Variants in ROCK1 observed in about 807,000 individuals in gnomAD.
ROCK1 encodes Rho associated coiled-coil containing protein kinase 1.
A neutral mutation model predicts 196.8 loss-of-function variants in ROCK1; 36 were observed. The ratio of observed to expected loss-of-function variants is 0.18; its 90% CI spans 0.14 to 0.24. The LOEUF is 0.24. ROCK1 is among the 10% of genes least tolerant of loss of function. The probability of loss-of-function intolerance (pLI) is 1.00; values close to 1 mark genes in which losing one functional copy is unlikely to be tolerated. For synonymous variants in ROCK1, 443 were observed against 515.9 expected (o/e 0.86, Z 1.91); for missense variants, 920 against 1,562.0 (o/e 0.59, Z 6.93).
rs758817349 is a variant in ROCK1, at chr18:20,949,873, A to G, written c.*1511T>C. On this transcript the variant is annotated 3_prime_UTR_variant, in exon 33 of 33. Transcript: ENST00000399799. ...AAACACATTGCAGTAAAAATTAAAG[A>G]TACCCATCCATAAATTACTTTTATT... is the stretch of plus-strand genomic sequence containing the variant. 2 of 152,688 alleles carry G rather than the reference A, an allele frequency of 1.3e-5. No homozygotes were observed. The highest frequency in any genetic ancestry group is 2.9e-5 in the Non-Finnish European group (2 of 68,046). 9.5% of individuals were successfully genotyped at this position (152,688 alleles called of 1,614,324 possible).
In ROCK1 at chr18:21,034,849, T is replaced by A. The variant is rs138192559; in HGVS notation, c.1051+4623A>T. 7.2e-4 allele frequency among the ~76,000 whole-genome samples: 110 copies of A among 152,262 alleles called. No individual in the cohort carries two copies. The Middle Eastern group carries it at 0.01, about 14-fold the overall frequency. On this transcript the variant is annotated intron_variant, in intron 9 of 32. Coordinates refer to ENST00000399799, the MANE Select transcript of ROCK1 (RefSeq NM_005406.3). Reference sequence around the variant, plus strand: ...AGCACTAATAACAGAGTGCAGAGAATAGAAAATATCTGCAAACCATGTATC... The same window carrying A: ...AGCACTAATAACAGAGTGCAGAGAAAAGAAAATATCTGCAAACCATGTATC...
At chr18:20,959,377 A>G (rs922666142) in intron 29 of ROCK1, among the ~76,000 whole-genome samples, 5 of 147,744 alleles carry the variant, frequency 3.4e-5, no homozygotes, top group African/African-American at 1.3e-4. Context: ...ACGCCCAGCT[A>G]ATTTTTGGAT....
In ROCK1 at chr18:21,071,181, C is replaced by CT. The variant is rs11344426; in HGVS notation, c.94-569dup. On this transcript the variant is annotated intron_variant, in intron 1 of 32. Coordinates refer to ENST00000399799, the MANE Select transcript of ROCK1 (RefSeq NM_005406.3). Reference sequence around the variant, plus strand: ...CACCTGAGCTTTTGCATTTTTTCTGCTTTTTTTTTTTTTTTTTTTGAGGGT... The same window carrying CT: ...CACCTGAGCTTTTGCATTTTTTCTGCTTTTTTTTTTTTTTTTTTTTGAGGGT... Among the ~76,000 whole-genome samples the CT allele has an allele frequency of 5.4e-3, 488 of 90,370 alleles. 4 individuals carry two copies. The highest frequency in any genetic ancestry group is 7.7e-3 in the Non-Finnish European group (339 of 44,194). 59.3% of individuals were successfully genotyped at this position (90,370 alleles called of 152,430 possible). A position where few individuals can be genotyped will look rare whatever the true frequency, so the allele number is the denominator to read the frequency against.
At chr18:21,100,639 C>A (rs2036651785) in intron 1 of ROCK1, among the ~76,000 whole-genome samples, 1 of 151,546 alleles carries the variant, frequency 6.6e-6, no homozygotes, top group Admixed American at 6.6e-5. Context: ...TTGGTTATGT[C>A]TTGTTTGTGA....
chr18:20,961,818 CTTTTTTTTTTTTT>C (rs11334095), intron 27 of ROCK1, among the ~76,000 whole-genome samples: 1 of 117,210 alleles, frequency 8.5e-6, no homozygotes. Context: ...TTTCTTTTTC[CTTTTTTTTTTTTT>C]TTTTTTTTGA....
intron 1 of ROCK1, among the ~76,000 whole-genome samples, chr18:21,073,805 G>A (rs2036407551): frequency 6.6e-6 from 1 of 152,084 alleles, no homozygotes; most frequent in South Asian, 2.1e-4. Context: ...GGTAAGAGAG[G>A]ATATACCATT....
chr18:21,070,184 G>C (rs1177692827), intron 2 of ROCK1, among the ~76,000 whole-genome samples: 1 of 151,932 alleles, frequency 6.6e-6, no homozygotes, highest in African/African-American at 2.4e-5. Context: ...ATCTAAAAAG[G>C]AGCCTTCGGA....
rs193130079 is a variant in ROCK1, at chr18:21,093,564, C to T, written c.93+17254G>A. Among the ~76,000 whole-genome samples the T allele has an allele frequency of 1.2e-3, 184 of 152,228 alleles. 1 individual carries two copies. Among genetic ancestry groups the T allele is most frequent in the Middle Eastern group, 3.4e-3 (1 of 294 alleles). On this transcript the variant is annotated intron_variant, in intron 1 of 32. Coordinates refer to ENST00000399799, the MANE Select transcript of ROCK1 (RefSeq NM_005406.3). ...GAAAGGGTAGCATAATGTACACCTA[C>T]GGCACTGTCTGCCCTGCCCTACTGC...
intron 2 of ROCK1, among the ~76,000 whole-genome samples, chr18:21,062,680 T>C (rs796774459): frequency 5.4e-4 from 82 of 152,188 alleles, no homozygotes; most frequent in African/African-American, 1.9e-3. Context: ...GGTAACTTAC[T>C]AGTGGAGAAG....
chr18:21,072,988 C>T (rs1232854308), intron 1 of ROCK1, among the ~76,000 whole-genome samples: 2 of 132,244 alleles, frequency 1.5e-5, no homozygotes, highest in South Asian at 2.4e-4. Context: ...ACAGGACAAT[C>T]GCTTGAACCC....
intron 13 of ROCK1, among the ~76,000 whole-genome samples, chr18:21,009,127 A>G (rs2035793533): frequency 6.7e-6 from 1 of 150,294 alleles, no homozygotes; most frequent in Non-Finnish European, 1.5e-5. Context: ...AGAATGTTAT[A>G]TAAATGGAAC....
chr18:21,036,307 G>A (rs968419138), intron 9 of ROCK1, among the ~76,000 whole-genome samples: 1 of 152,086 alleles, frequency 6.6e-6, no homozygotes, highest in Non-Finnish European at 1.5e-5. Flanking sequence ...GTTTTGAGCC[G>A]GCAGAAGTAT....
At chr18:21,077,814 A>G (rs1222473324) in intron 1 of ROCK1, among the ~76,000 whole-genome samples, 1 of 152,180 alleles carries the variant, frequency 6.6e-6, no homozygotes, top group Non-Finnish European at 1.5e-5. Context: ...AAATCTGCAA[A>G]GACTGAGAGG....
intron 22 of ROCK1, among the ~76,000 whole-genome samples, chr18:20,972,987 C>T (rs1468106327): frequency 6.6e-6 from 1 of 152,140 alleles, no homozygotes; most frequent in Non-Finnish European, 1.5e-5. Context: ...TGAAGCAATT[C>T]CCCTGCCTCA....
rs188555602 is a variant in ROCK1, at chr18:21,044,494, T to C, written c.591-308A>G. 1.2e-4 allele frequency among the ~76,000 whole-genome samples: 19 copies of C among 152,192 alleles called. No individual in the cohort carries two copies. The East Asian group carries it at 3.7e-3, about 29-fold the overall frequency. On this transcript the variant is annotated intron_variant, in intron 5 of 32. Coordinates refer to ENST00000399799, the MANE Select transcript of ROCK1 (RefSeq NM_005406.3). ...TCAGACATAAAAGGTGATTGAAACATATTAGATAGGTAAGTACATAAAAAA... is the reference window on the plus strand; with the variant it reads ...TCAGACATAAAAGGTGATTGAAACACATTAGATAGGTAAGTACATAAAAAA...
At chr18:21,028,716 T>C (rs2035982061) in intron 10 of ROCK1, 60 bp downstream of exon 10, 4 of 1,420,830 alleles carry the variant, frequency 2.8e-6, no homozygotes, top group South Asian at 2.8e-5. Context: ...AAATGATTTT[T>C]AGATATTTCT....
chr18:21,017,344 A>G (rs2035872517), intron 12 of ROCK1, among the ~76,000 whole-genome samples: 1 of 151,594 alleles, frequency 6.6e-6, no homozygotes, highest in African/African-American at 2.4e-5. Flanking sequence ...GGCGCCCGCC[A>G]CCGCGCCCAG....
At chr18:21,026,445 GAAAAAAAAAAAAAA>G (rs747563785) in intron 10 of ROCK1, among the ~76,000 whole-genome samples, 4 of 35,308 alleles carry the variant, frequency 1.1e-4, no homozygotes, top group East Asian at 7.1e-4. Context: ...ACTCTGTCTC[GAAAAAAAAAAAAAA>G]AAAAAAAAAA....
chr18:21,084,546 C>CA (rs2036509905), intron 1 of ROCK1, among the ~76,000 whole-genome samples: 1 of 152,044 alleles, frequency 6.6e-6, no homozygotes. Context: ...ATCAAAACCA[C>CA]AATGAAACAT....
Sources: allele counts gnomAD v4.1 joint callset (sites outside exome capture counted in the v4.1 genomes callset), GRCh38; gene constraint gnomAD v4.1.1; transcripts MANE v1.5; gene names NCBI Gene and HGNC (gene_info 2026-07-23, HGNC 2026-07-21).